The following GNB5 variants were observed in gnomAD, a reference collection of about 807,000 sequenced individuals.
GNB5 encodes the protein G protein subunit beta 5.
A neutral mutation model predicts 55.3 loss-of-function variants in GNB5; 37 were observed. The observed-to-expected ratio is 0.67, with a 90% confidence interval of 0.51 to 0.88. GNB5 has a LOEUF of 0.88. Among genes scored for constraint, GNB5 ranks in the 40% least tolerant of loss-of-function variants. The probability of loss-of-function intolerance (pLI) is 0.00; values close to 1 mark genes in which losing one functional copy is unlikely to be tolerated. For synonymous variants in GNB5, 219 were observed against 198.5 expected (o/e 1.10, Z -0.87); for missense variants, 476 against 515.3 (o/e 0.92, Z 0.74).
intron 7 of GNB5, chr15:52,137,791 G>A: frequency 8.0e-7 from 1 of 1,250,874 alleles, no homozygotes; most frequent in Non-Finnish European, 1.0e-6. Context: ...AGCCAGCTGG[G>A]TACTGACAGC....
chr15:52,160,598 C>A (rs1177863624), intron 3 of GNB5, among the ~76,000 whole-genome samples: 2 of 151,280 alleles, frequency 1.3e-5, no homozygotes, highest in African/African-American at 4.9e-5. Context: ...GAAGTAAATG[C>A]ATATTCATTA....
intron 9 of GNB5, chr15:52,128,583 G>C: frequency 1.8e-6 from 1 of 551,856 alleles, no homozygotes; most frequent in Non-Finnish European, 3.5e-6. Context: ...GTGGTTATGA[G>C]CACAGACACT....
intron 3 of GNB5, among the ~76,000 whole-genome samples, chr15:52,166,218 C>G (rs903166790): frequency 6.6e-6 from 1 of 152,164 alleles, no homozygotes; most frequent in African/African-American, 2.4e-5. Context: ...TACAAAGAGA[C>G]TTACACTCCC....
intron 3 of GNB5, among the ~76,000 whole-genome samples, chr15:52,177,646 G>A (rs1330288369): frequency 3.4e-5 from 5 of 145,352 alleles, no homozygotes; most frequent in East Asian, 4.0e-4. Flanking sequence ...GGGAGACTCC[G>A]TGTCAAAAAA....
Position 52,179,906 on chromosome 15 carries a change from G to A in GNB5, c.127-27C>T, listed in dbSNP as rs781764235. On this transcript the variant is annotated intron_variant, in intron 2 of 12. Coordinates refer to ENST00000261837, the MANE Select transcript of GNB5 (RefSeq NM_016194.4). ...TTCGCGCGGGGACGCAGCGGAGAGGGAAGCGGAGAGCGGGAATGCGCTGAG... is the reference window on the plus strand; with the variant it reads ...TTCGCGCGGGGACGCAGCGGAGAGGAAAGCGGAGAGCGGGAATGCGCTGAG... 4 of 1,498,982 alleles carry A rather than the reference G, an allele frequency of 2.7e-6. No individual in the cohort carries two copies. In the Admixed American group the frequency reaches 8.7e-5, roughly 32 times the overall value. The allele number at this position is 1,498,982 out of a possible 1,614,324, so 92.9% of individuals were successfully genotyped here.
At chr15:52,129,111 A>G (rs1290602310) in intron 9 of GNB5, among the ~76,000 whole-genome samples, 1 of 151,952 alleles carries the variant, frequency 6.6e-6, no homozygotes, top group African/African-American at 2.4e-5. Context: ...GTATGCCACT[A>G]TGCCTGGCTA....
chr15:52,184,212 T>C (rs1259519126), intron 2 of GNB5, among the ~76,000 whole-genome samples: 2 of 152,220 alleles, frequency 1.3e-5, no homozygotes, highest in African/African-American at 2.4e-5. Context: ...CTGGGTACTA[T>C]TTAAAATAAG....
At chr15:52,168,152 G>A (rs1002777609) in intron 3 of GNB5, among the ~76,000 whole-genome samples, 21 of 152,188 alleles carry the variant, frequency 1.4e-4, no homozygotes, top group African/African-American at 4.8e-4. Flanking sequence ...TCTGGCCAGG[G>A]CAATCAGGCA....
chr15:52,179,431 AC>A (rs1473867597), intron 3 of GNB5, among the ~76,000 whole-genome samples: 1 of 151,048 alleles, frequency 6.6e-6, no homozygotes, highest in African/African-American at 2.4e-5. Context: ...CCGACACCCC[AC>A]CCCCTGCCCT....
chr15:52,150,046 T>C, intron 4 of GNB5, 121 bp from the exon 5 acceptor site: 2 of 746,736 alleles, frequency 2.7e-6, no homozygotes, highest in Non-Finnish European at 4.7e-6. Context: ...AATGAGGATC[T>C]GGATAATCAA....
chr15:52,175,826 G>A (rs767885079), intron 3 of GNB5, among the ~76,000 whole-genome samples: 5 of 152,078 alleles, frequency 3.3e-5, no homozygotes, highest in Admixed American at 2.0e-4. Flanking sequence ...CAAGGTGGAC[G>A]GATCACAAGG....
intron 6 of GNB5, chr15:52,144,399 T>C (rs961924683): frequency 9.8e-5 from 15 of 152,356 alleles, no homozygotes; most frequent in Non-Finnish European, 5.9e-5. Flanking sequence ...TCCAGCTCTA[T>C]GCATCTGCTA....
intron 3 of GNB5, among the ~76,000 whole-genome samples, chr15:52,170,643 A>T (rs923028323): frequency 6.6e-6 from 1 of 151,842 alleles, no homozygotes; most frequent in Non-Finnish European, 1.5e-5. Context: ...AGCAAACCAC[A>T]TGACACATGT....
Position 52,179,781 on chromosome 15 carries a change from C to T in GNB5, c.225G>A (p.Leu75=), listed in dbSNP as rs2034732729. 3 of 1,524,958 alleles carry T rather than the reference C, an allele frequency of 2.0e-6. No homozygotes were observed. The highest frequency in any genetic ancestry group is 1.8e-6 in the Non-Finnish European group (2 of 1,137,466). 94.5% of individuals were successfully genotyped at this position (1,524,958 alleles called of 1,614,324 possible). ...KGKLEEERAK[L]HDVELHQVAE... ...GCCCGCACTCACGCTCCACATCGTG[C>T]AGCTTGGCTCGCTCCTCCTCCAGCT... Residue 75 remains leucine (L), a synonymous_variant, in exon 3 of 13, where the codon CTG becomes CTA. Coordinates refer to ENST00000261837, the MANE Select transcript of GNB5 (RefSeq NM_016194.4).
At chr15:52,179,723 C>G in intron 3 of GNB5, 45 bp downstream of exon 3, 1 of 1,149,968 alleles carries the variant, frequency 8.7e-7, no homozygotes, top group Non-Finnish European at 1.2e-6. Flanking sequence ...CGGGAAGTGG[C>G]GAGCCGGTCC....
chr15:52,185,451 G>A (rs1384360777), intron 1 of GNB5, among the ~76,000 whole-genome samples: 1 of 152,204 alleles, frequency 6.6e-6, no homozygotes, highest in Admixed American at 6.5e-5. Context: ...CTCAAGGTCG[G>A]TAATACAGGG....
intron 4 of GNB5, among the ~76,000 whole-genome samples, chr15:52,151,207 G>C (rs979983169): frequency 6.6e-6 from 1 of 152,084 alleles, no homozygotes; most frequent in South Asian, 2.1e-4. Context: ...ACTGGAGTGG[G>C]GCCACACACC....
intron 6 of GNB5, among the ~76,000 whole-genome samples, chr15:52,146,868 T>C (rs12438190): frequency 0.16 from 24,058 of 148,974 alleles, 2,089 homozygotes; most frequent in Admixed American, 0.28. Context: ...CAGGCAAGAG[T>C]CACCACGCCT....
chr15:52,132,598 C>T (rs1179793059), intron 9 of GNB5, among the ~76,000 whole-genome samples: 1 of 151,002 alleles, frequency 6.6e-6, no homozygotes, highest in East Asian at 1.9e-4. Context: ...ATCGATCCTC[C>T]CACTTCAGCC....
Sources: allele counts gnomAD v4.1 joint callset (sites outside exome capture counted in the v4.1 genomes callset), GRCh38; gene constraint gnomAD v4.1.1; transcripts MANE v1.5; gene names NCBI Gene and HGNC (gene_info 2026-07-23, HGNC 2026-07-21).